Variants in KAZN observed in about 807,000 individuals in gnomAD.
KAZN encodes kazrin.
A neutral mutation model predicts 87.4 loss-of-function variants in KAZN; 40 were observed. The observed-to-expected ratio is 0.46, with a 90% CI of 0.36 to 0.60. The LOEUF is 0.60. KAZN is among the 20% of genes least tolerant of loss of function. The probability of loss-of-function intolerance (pLI) is 0.00; values close to 1 mark genes in which losing one functional copy is unlikely to be tolerated. For synonymous variants in KAZN, 466 were observed against 458.3 expected, an observed-to-expected ratio of 1.02 and a Z score of -0.22; for missense variants, 898 against 1,073.9, an observed-to-expected ratio of 0.84 and a Z score of 2.29.
At chr1:14,784,065 C>T (rs1362651904) in intron 1 of KAZN, among the ~76,000 whole-genome samples, 3 of 152,070 alleles carry the variant, frequency 2.0e-5, no homozygotes, top group Non-Finnish European at 4.4e-5. Flanking sequence ...TTGGCTTAGG[C>T]GATGGTGGGG....
intron 1 of KAZN, among the ~76,000 whole-genome samples, chr1:13,946,602 A>G (rs1458117194): frequency 1.3e-5 from 2 of 152,186 alleles, no homozygotes; most frequent in Non-Finnish European, 2.9e-5. Flanking sequence ...CTGCTCCAGT[A>G]CCTAGGACAA....
chr1:14,523,892 G>A (rs1023643741), intron 2 of KAZN, among the ~76,000 whole-genome samples: 2 of 152,236 alleles, frequency 1.3e-5, no homozygotes, highest in African/African-American at 4.8e-5. Flanking sequence ...ACATGAGATG[G>A]AATAAAAATG....
chr1:14,329,289 T>C (rs1404609651), intron 2 of KAZN, among the ~76,000 whole-genome samples: 1 of 151,852 alleles, frequency 6.6e-6, no homozygotes, highest in African/African-American at 2.4e-5. Flanking sequence ...TTGGCTTAGC[T>C]TGGGGGATGT....
At chr1:15,091,351 T>C (rs182122926) in intron 8 of KAZN, among the ~76,000 whole-genome samples, 73 of 152,272 alleles carry the variant, frequency 4.8e-4, no homozygotes, top group African/African-American at 1.6e-3. Flanking sequence ...TTGTTTTTTG[T>C]TTTTTGTTTT....
At chr1:14,212,435 C>T (rs534937971) in intron 2 of KAZN, among the ~76,000 whole-genome samples, 25 of 148,616 alleles carry the variant, frequency 1.7e-4, no homozygotes, top group Middle Eastern at 3.4e-3. Flanking sequence ...TTCAAAAAGA[C>T]GACTAGCTCT....
chr1:14,293,213 C>T lies in KAZN; in HGVS notation c.249+112621C>T, dbSNP rs367689504. ...ATTTTCTCCCAAATTTCTCCAGCCCCGAAGGGAACCAATATTTAGATTTTA... is the reference window on the plus strand; with the variant it reads ...ATTTTCTCCCAAATTTCTCCAGCCCTGAAGGGAACCAATATTTAGATTTTA... On this transcript the variant is annotated intron_variant, in intron 2 of 16. Coordinates refer to the KAZN transcript ENST00000636203. Among the ~76,000 whole-genome samples, 14 of 152,300 alleles carry T rather than the reference C, an allele frequency of 9.2e-5. No individual in the cohort carries two copies. The East Asian group carries it at 1.4e-3, about 15-fold the overall frequency.
At chr1:14,524,070 G>A (rs1284778290) in intron 2 of KAZN, among the ~76,000 whole-genome samples, 1 of 152,072 alleles carries the variant, frequency 6.6e-6, no homozygotes, top group Non-Finnish European at 1.5e-5. Flanking sequence ...CACCTGGGCT[G>A]GAGTACAGTG....
intron 2 of KAZN, among the ~76,000 whole-genome samples, chr1:14,419,990 G>A (rs1665277013): frequency 6.6e-6 from 1 of 152,212 alleles, no homozygotes; most frequent in African/African-American, 2.4e-5. Flanking sequence ...GGCTCCGGCA[G>A]CCTGCTTTTA....
chr1:14,756,375 T>G (rs1389780462), intron 1 of KAZN, among the ~76,000 whole-genome samples: 1 of 152,182 alleles, frequency 6.6e-6, no homozygotes, highest in Non-Finnish European at 1.5e-5. Flanking sequence ...GCTCTAGTCT[T>G]CTGTCAGCCC....
intron 1 of KAZN, among the ~76,000 whole-genome samples, chr1:14,082,482 T>A (rs1422486335): frequency 6.6e-6 from 1 of 152,094 alleles, no homozygotes; most frequent in Non-Finnish European, 1.5e-5. Flanking sequence ...CCTTCTTAAA[T>A]GACTGCCCGG....
At chr1:14,602,438 C>T (rs1047057964) in intron 1 of KAZN, among the ~76,000 whole-genome samples, 1 of 152,114 alleles carries the variant, frequency 6.6e-6, no homozygotes, top group African/African-American at 2.4e-5. Context: ...CCTTTTGGGT[C>T]GGTGGGGTCA....
intron 1 of KAZN, among the ~76,000 whole-genome samples, chr1:14,107,503 C>A (rs1478597428): frequency 6.6e-6 from 1 of 152,086 alleles, no homozygotes; most frequent in Non-Finnish European, 1.5e-5. Context: ...AGGAAAGTAG[C>A]TGAGATGAAC....
intron 2 of KAZN, among the ~76,000 whole-genome samples, chr1:14,587,814 C>A (rs181149224): frequency 1.3e-5 from 2 of 152,236 alleles, no homozygotes; most frequent in Non-Finnish European, 2.9e-5. Flanking sequence ...TTGGAGGGGA[C>A]AAACAACCAC....
chr1:14,891,792 T>C (rs1654748392), intron 1 of KAZN, among the ~76,000 whole-genome samples: 2 of 152,230 alleles, frequency 1.3e-5, no homozygotes, highest in African/African-American at 2.4e-5. Flanking sequence ...CTTTGTACTT[T>C]CTCCAACTTG....
At chr1:13,976,718 T>G (rs1458685917) in intron 1 of KAZN, among the ~76,000 whole-genome samples, 1 of 152,146 alleles carries the variant, frequency 6.6e-6, no homozygotes, top group Admixed American at 6.6e-5. Flanking sequence ...GATGTCTTTT[T>G]AAGAACAGGC....
At chr1:14,417,853 G>A (rs541930410) in intron 2 of KAZN, among the ~76,000 whole-genome samples, 44 of 151,494 alleles carry the variant, frequency 2.9e-4, no homozygotes, top group African/African-American at 1.0e-3. Context: ...AAAATTAGCC[G>A]GGCGTGGTGG....
chr1:14,207,419 C>A, intron 2 of KAZN, among the ~76,000 whole-genome samples: 1 of 152,168 alleles, frequency 6.6e-6, no homozygotes, highest in South Asian at 2.1e-4. Flanking sequence ...CCCCTCCCAA[C>A]CCGAGCATCA....
chr1:14,652,456 T>TACCTATCC (rs1638449527), intron 1 of KAZN, among the ~76,000 whole-genome samples: 1 of 38,750 alleles, frequency 2.6e-5, no homozygotes, highest in Non-Finnish European at 5.9e-5. Flanking sequence ...CCCACCCATC[T>TACCTATCC]GCCTATCCAT....
chr1:14,410,167 G>C (rs528926976), intron 2 of KAZN, among the ~76,000 whole-genome samples: 2 of 152,358 alleles, frequency 1.3e-5, no homozygotes, highest in South Asian at 4.1e-4. Flanking sequence ...GCAGCAGCGT[G>C]ATCTCGTCTC....
Sources: allele counts gnomAD v4.1 joint callset (sites outside exome capture counted in the v4.1 genomes callset), GRCh38; gene constraint gnomAD v4.1.1; transcripts MANE v1.5; gene names NCBI Gene and HGNC (gene_info 2026-07-23, HGNC 2026-07-21).